Variants in IGSF6 observed in about 807,000 individuals in gnomAD.
IGSF6 encodes down-regulated by activation (immunoglobulin superfamily).
IGSF6 carries 23 observed loss-of-function variants against 24.7 expected under a neutral mutation model. That is an observed-to-expected ratio of 0.93 (90% confidence interval 0.67 to 1.32). The LOEUF is 1.32. Ranked by LOEUF, IGSF6 falls within the 40% of genes most tolerant of loss-of-function variation. The pLI is 0.00. For missense variants in IGSF6, 295 were observed against 293.6 expected (o/e 1.00, Z -0.04); for synonymous variants, 110 against 113.7 (o/e 0.97, Z 0.21).
rs1028869764 is a variant in IGSF6 at position 21,643,014 on chromosome 16, A to G, written c.666+60T>C. ...GTTCTTGACAGCTCCTTGGCAGCTT[A>G]GTTTTTTCAAACGTGCTTTATATCT... On this transcript the variant is annotated intron_variant, in intron 5 of 5. Transcript: ENST00000268389. 33 of 1,110,442 alleles carry G rather than the reference A, an allele frequency of 3.0e-5. No homozygotes were observed. In the African/African-American group the frequency reaches 3.6e-4, roughly 12 times the overall value. The allele number at this position is 1,110,442 out of a possible 1,614,324, so 68.8% of individuals were successfully genotyped here. A position where few individuals can be genotyped will look rare whatever the true frequency, so the allele number is the denominator to read the frequency against.
chr16:21,652,288 TG>T, intron 1 of IGSF6: 1 of 377,108 alleles, frequency 2.7e-6, no homozygotes, highest in Non-Finnish European at 4.7e-6. Context: ...TTCAACCCTT[TG>T]GTCAGATTGT....
At chr16:21,643,685 C>A in intron 3 of IGSF6, 87 bp from the exon 4 acceptor site, 1 of 829,596 alleles carries the variant, frequency 1.2e-6, no homozygotes, top group Non-Finnish European at 2.0e-6. Context: ...TAAGATTAAA[C>A]TAACTTAATA....
intron 3 of IGSF6, 55 bp downstream of exon 3, chr16:21,644,234 TC>T (rs1233618690): frequency 8.2e-7 from 1 of 1,221,764 alleles, no homozygotes; most frequent in Non-Finnish European, 1.2e-6. Context: ...AAATTATTTT[TC>T]TTTTGATAAT....
intron 1 of IGSF6, among the ~76,000 whole-genome samples, chr16:21,650,281 C>G (rs1052417433): frequency 6.6e-6 from 1 of 152,072 alleles, no homozygotes; most frequent in Non-Finnish European, 1.5e-5. Flanking sequence ...CCGAGGCGGG[C>G]AGATCACCTG....
In IGSF6 at chr16:21,648,475, C is replaced by T. The variant is rs115914423; in HGVS notation, c.68-983G>A. Among the ~76,000 whole-genome samples, 274 of 152,340 alleles carry T rather than the reference C, an allele frequency of 1.8e-3. 2 individuals are homozygous for T. The highest frequency in any genetic ancestry group is 6.5e-3 in the African/African-American group (269 of 41,576). ...GCCACTGCTACTGTTCCCACAGTGT[C>T]AGATGGCTGTTGGAGAGATGGTTGT... On this transcript the variant is annotated intron_variant, in intron 1 of 5. Transcript: ENST00000268389.
chr16:21,643,655 G>T, intron 3 of IGSF6, 57 bp from the exon 4 acceptor site: 1 of 1,153,610 alleles, frequency 8.7e-7, no homozygotes, highest in Non-Finnish European at 1.3e-6. Flanking sequence ...AACAATGGTG[G>T]CAGATATCTC....
chr16:21,650,682 T>C (rs1966550214), intron 1 of IGSF6, among the ~76,000 whole-genome samples: 1 of 152,128 alleles, frequency 6.6e-6, no homozygotes, highest in Non-Finnish European at 1.5e-5. Context: ...AGAAAACCAA[T>C]TGTAATGATT....
At chr16:21,645,549 C>T (rs891086097) in intron 2 of IGSF6, among the ~76,000 whole-genome samples, 1 of 152,174 alleles carries the variant, frequency 6.6e-6, no homozygotes, top group African/African-American at 2.4e-5. Flanking sequence ...ACAAATTAAC[C>T]ACATCTATAC....
chr16:21,644,651 C>T (rs1197986498), intron 2 of IGSF6, among the ~76,000 whole-genome samples: 1 of 152,152 alleles, frequency 6.6e-6, no homozygotes, highest in East Asian at 1.9e-4. Flanking sequence ...AACCATTTGT[C>T]ATATTGCTAA....
chr16:21,649,356 G>A (rs922927436), intron 1 of IGSF6, among the ~76,000 whole-genome samples: 3 of 152,092 alleles, frequency 2.0e-5, no homozygotes, highest in African/African-American at 7.2e-5. Flanking sequence ...GCTCTGTGGT[G>A]ACCTGATAAA....
chr16:21,651,841 A>C (rs2141626192), intron 1 of IGSF6: 1 of 152,226 alleles, frequency 6.6e-6, no homozygotes, highest in East Asian at 1.9e-4. Flanking sequence ...AGTCTATGAA[A>C]GTAATATATA....
intron 3 of IGSF6, 86 bp downstream of exon 3, chr16:21,644,204 C>T (rs1407958336): frequency 2.5e-5 from 24 of 963,766 alleles, no homozygotes; most frequent in Non-Finnish European, 4.0e-5. Flanking sequence ...TGCTGAGGCC[C>T]ATAACTTGTG....
chr16:21,643,618 A>G lies in IGSF6; in HGVS notation c.535-20T>C, dbSNP rs1336437880. 1 of 1,566,566 alleles carries G rather than the reference A, an allele frequency of 6.4e-7. No individual in the cohort carries two copies. Among genetic ancestry groups the G allele is most frequent in the Non-Finnish European group, 8.8e-7 (1 of 1,142,268 alleles). ...TTTTGACTGCCAAGAAGAGAAGGAA[A>G]GTCTATGAAACATTTTATGTACTCA... On this transcript the variant is annotated intron_variant, in intron 3 of 5. Coordinates refer to ENST00000268389, the MANE Select transcript of IGSF6 (RefSeq NM_005849.4).
At chr16:21,643,323 T>C (rs574028025) in intron 4 of IGSF6, among the ~76,000 whole-genome samples, 169 bp from the exon 5 acceptor site, 1 of 152,302 alleles carries the variant, frequency 6.6e-6, no homozygotes, top group African/African-American at 2.4e-5. Context: ...ACTTTAAATA[T>C]AATTTATGGT....
intron 2 of IGSF6, 42 bp from the exon 3 acceptor site, chr16:21,644,438 C>A (rs1334798944): frequency 7.3e-7 from 1 of 1,374,656 alleles, no homozygotes; most frequent in Non-Finnish European, 1.0e-6. Context: ...ACTATTAAAG[C>A]CTATTCTTTC....
chr16:21,644,822 A>G (rs1185138183), intron 2 of IGSF6, among the ~76,000 whole-genome samples: 1 of 152,218 alleles, frequency 6.6e-6, no homozygotes, highest in Non-Finnish European at 1.5e-5. Flanking sequence ...GTTAAGGGTG[A>G]TATTTATAGC....
chr16:21,651,020 G>A (rs1263529642), intron 1 of IGSF6, among the ~76,000 whole-genome samples: 4 of 152,122 alleles, frequency 2.6e-5, no homozygotes, highest in Non-Finnish European at 4.4e-5. Context: ...TCAGGAGATC[G>A]AGACCATCCT....
Position 21,640,924 on chromosome 16 carries a change from C to T in IGSF6, c.*610G>A, listed in dbSNP as rs964317598. On this transcript the variant is annotated 3_prime_UTR_variant, in exon 6 of 6. Coordinates refer to ENST00000268389, the MANE Select transcript of IGSF6 (RefSeq NM_005849.4). ...TGTTCTGAAGTTACCTCTGTTTAACCTTCAGCTTTGGATTTTCTGTATTTT... is the reference window on the plus strand; with the variant it reads ...TGTTCTGAAGTTACCTCTGTTTAACTTTCAGCTTTGGATTTTCTGTATTTT... 6.6e-6 allele frequency: 1 copy of T among 152,066 alleles called. No homozygotes were observed. Among genetic ancestry groups the T allele is most frequent in the South Asian group, 2.1e-4 (1 of 4,826 alleles). The allele number at this position is 152,066 out of a possible 1,614,324, so 9.4% of individuals were successfully genotyped here.
At chr16:21,647,556 T>G in intron 1 of IGSF6, 64 bp from the exon 2 acceptor site, 1 of 1,536,488 alleles carries the variant, frequency 6.5e-7, no homozygotes, top group South Asian at 1.3e-5. Context: ...TTTTATTATA[T>G]TTTTGAGGTA....
Sources: allele counts gnomAD v4.1 joint callset (sites outside exome capture counted in the v4.1 genomes callset), GRCh38; gene constraint gnomAD v4.1.1; transcripts MANE v1.5; gene names NCBI Gene and HGNC (gene_info 2026-07-23, HGNC 2026-07-21).